Variants in TMPRSS7 observed in about 807,000 individuals in gnomAD.
TMPRSS7 encodes transmembrane protease serine 7.
A neutral mutation model predicts 95.6 loss-of-function variants in TMPRSS7; 81 were observed. The observed-to-expected ratio is 0.85, with a 90% CI of 0.71 to 1.02. The LOEUF is 1.02. Among genes scored for constraint, TMPRSS7 ranks in the 50% least tolerant of loss-of-function variants. TMPRSS7 has a pLI of 0.00. For missense variants in TMPRSS7, 945 were observed against 955.2 expected (o/e 0.99, Z 0.14); for synonymous variants, 364 against 337.8 (o/e 1.08, Z -0.85).
At chr3:112,038,134 G>A (rs540320405) in exon 2 of TMPRSS7, 119 of 701,822 alleles carry the variant, frequency 1.7e-4, no homozygotes, top group South Asian at 2.7e-4. Context: ...GACGACCACC[G>A]TTGCCAGGGA....
In TMPRSS7 at chr3:112,044,196, A is replaced by G. The variant is rs1462112596; in HGVS notation, c.430-59A>G. 1.0e-5 allele frequency: 13 copies of G among 1,247,792 alleles called. No individual in the cohort carries two copies. The Admixed American group carries it at 2.2e-4, about 21-fold the overall frequency. 77.3% of individuals were successfully genotyped at this position (1,247,792 alleles called of 1,614,324 possible). ...AGAGCTTGGGCCTACAACATTTAAG[A>G]TACTGTAAAAGGAAGTCAAGTATGA... On this transcript the variant is annotated intron_variant, in intron 3 of 17. Coordinates refer to ENST00000452346, the Ensembl canonical transcript of TMPRSS7.
intron 16 of TMPRSS7, 46 bp downstream of exon 16, chr3:112,077,190 A>G: frequency 1.3e-6 from 2 of 1,594,810 alleles, no homozygotes; most frequent in Non-Finnish European, 1.7e-6. Context: ...GCAGAGGATG[A>G]TAAGGTGTTT....
At chr3:112,063,612 A>G (rs1478689726) in exon 12 of TMPRSS7, 3 of 1,613,916 alleles carry the variant, frequency 1.9e-6, no homozygotes, top group Non-Finnish European at 2.5e-6. Context: ...TGCTTTGATG[A>G]AAGTGATGAA....
intron 5 of TMPRSS7, 59 bp downstream of exon 5, chr3:112,046,002 A>G: frequency 7.3e-7 from 1 of 1,371,278 alleles, no homozygotes; most frequent in Non-Finnish European, 1.0e-6. Flanking sequence ...GATACTTGCC[A>G]TGATTATAGT....
chr3:112,075,435 C>A, exon 15 of TMPRSS7: 1 of 1,554,094 alleles, frequency 6.4e-7, no homozygotes. Flanking sequence ...TACTGTGGTG[C>A]CTCAGTCATC....
intron 12 of TMPRSS7, among the ~76,000 whole-genome samples, chr3:112,064,731 A>T (rs56404440): frequency 0.03 from 4,563 of 152,268 alleles, 192 homozygotes; most frequent in African/African-American, 0.088. Context: ...ACATTGGTGA[A>T]GACTAAGGTG....
chr3:112,066,937 G>A (rs1444030880), intron 13 of TMPRSS7, among the ~76,000 whole-genome samples: 2 of 151,928 alleles, frequency 1.3e-5, no homozygotes, highest in South Asian at 2.1e-4. Context: ...CCATCAACTC[G>A]TCATTTACAT....
intron 2 of TMPRSS7, chr3:112,039,758 A>T (rs1166834962): frequency 6.6e-6 from 1 of 152,196 alleles, no homozygotes; most frequent in Non-Finnish European, 1.5e-5. Context: ...TAGTAAGTAA[A>T]GTGTTTCTCT....
chr3:112,047,799 T>G, exon 7 of TMPRSS7: 1 of 1,614,118 alleles, frequency 6.2e-7, no homozygotes, highest in Non-Finnish European at 8.5e-7. Context: ...CCGCTGGAGA[T>G]TTCTGCAGCC....
intron 9 of TMPRSS7, among the ~76,000 whole-genome samples, chr3:112,053,477 G>A (rs1477739683): frequency 6.6e-6 from 1 of 152,102 alleles, no homozygotes; most frequent in Admixed American, 6.5e-5. Context: ...GCTCTATATG[G>A]GGATGCCTAG....
chr3:112,036,947 C>T (rs1427138895), intron 1 of TMPRSS7, among the ~76,000 whole-genome samples: 3 of 152,214 alleles, frequency 2.0e-5, no homozygotes, highest in Non-Finnish European at 2.9e-5. Context: ...TCAATACTCT[C>T]ATAATTTCCT....
At chr3:112,051,581 A>AT (rs2073352302) in intron 9 of TMPRSS7, among the ~76,000 whole-genome samples, 5 of 149,542 alleles carry the variant, frequency 3.3e-5, no homozygotes, top group African/African-American at 5.0e-5. Flanking sequence ...CTATCTATCT[A>AT]TATCTATCTC....
Position 112,078,609 on chromosome 3 carries a change from A to G in TMPRSS7, c.2225-133A>G, listed in dbSNP as rs1302925790. ...TCTTCATCAGCAAAATGAGGATAAT[A>G]GTAGAATTTACCTCAAGGGAATTGC... On this transcript the variant is annotated intron_variant, in intron 16 of 17. Coordinates refer to ENST00000452346, the Ensembl canonical transcript of TMPRSS7. The G allele has an allele frequency of 4.3e-6, 5 of 1,157,184 alleles. No homozygotes were observed. In the Admixed American group the frequency reaches 6.8e-5, roughly 16 times the overall value. 71.7% of individuals were successfully genotyped at this position (1,157,184 alleles called of 1,614,324 possible).
intron 5 of TMPRSS7, 58 bp downstream of exon 5, chr3:112,046,001 C>T: frequency 4.3e-6 from 6 of 1,380,556 alleles, no homozygotes; most frequent in Non-Finnish European, 5.9e-6. Context: ...TGATACTTGC[C>T]ATGATTATAG....
chr3:112,068,085 C>T (rs1292587062), intron 13 of TMPRSS7, among the ~76,000 whole-genome samples: 2 of 152,154 alleles, frequency 1.3e-5, no homozygotes, highest in Non-Finnish European at 2.9e-5. Flanking sequence ...ATAGGGAATC[C>T]TTTCTCCATT....
At chr3:112,048,267 A>G (rs1404000438) in intron 7 of TMPRSS7, among the ~76,000 whole-genome samples, 1 of 152,244 alleles carries the variant, frequency 6.6e-6, no homozygotes, top group Non-Finnish European at 1.5e-5. Context: ...TTATTGGAAT[A>G]AAAATGAAGT....
rs36116457 is a variant in TMPRSS7, at chr3:112,053,148, C to CT, written c.1203+2374dup. Among the ~76,000 whole-genome samples the CT allele has an allele frequency of 3.4e-5, 5 of 147,888 alleles. No individual in the cohort carries two copies. In the South Asian group the frequency reaches 6.5e-4, roughly 19 times the overall value. Reference sequence around the variant, plus strand: ...TGAATGGAAATCAGTGTAAAATTGACTTTTTTTTTCACCTGTAAAATAGCT... The same window carrying CT: ...TGAATGGAAATCAGTGTAAAATTGACTTTTTTTTTTCACCTGTAAAATAGCT... On this transcript the variant is annotated intron_variant, in intron 9 of 17. Transcript: ENST00000452346.
Position 112,075,508 on chromosome 3 carries a change from C to A in TMPRSS7, c.1955+16C>A. ...ATGGAAACAGGTAGGGCCTCACGGT[C>A]CTTACTTTCAAGTGGCACTCTGTGG... is the stretch of plus-strand genomic sequence containing the variant. On this transcript the variant is annotated intron_variant, in intron 15 of 17. Coordinates refer to ENST00000452346, the Ensembl canonical transcript of TMPRSS7. The A allele has an allele frequency of 7.1e-7, 1 of 1,412,628 alleles. No individual in the cohort carries two copies. Among genetic ancestry groups the A allele is most frequent in the South Asian group, 1.7e-5 (1 of 57,668 alleles). The allele number at this position is 1,412,628 out of a possible 1,614,324, so 87.5% of individuals were successfully genotyped here. A position where few individuals can be genotyped will look rare whatever the true frequency, so the allele number is the denominator to read the frequency against.
intron 13 of TMPRSS7, among the ~76,000 whole-genome samples, chr3:112,073,471 G>T (rs1229192028): frequency 6.6e-6 from 1 of 152,122 alleles, no homozygotes; most frequent in African/African-American, 2.4e-5. Context: ...GTTTTGATTT[G>T]CATTTCTCTG....
Sources: gnomAD v4.1 joint callset for allele counts (sites outside exome capture counted in the v4.1 genomes callset) on GRCh38, gnomAD v4.1.1 for gene constraint, MANE v1.5 for transcripts, NCBI Gene and HGNC (gene_info 2026-07-23, HGNC 2026-07-21) for gene names.